ATP13A4: variants seen among roughly 807,000 people sequenced by gnomAD.
ATP13A4 encodes the protein ATPase 13A4, also known as probable cation-transporting ATPase 13A4.
In ATP13A4, 114 loss-of-function variants were observed where a neutral mutation model predicts 142.5. The ratio of observed to expected loss-of-function variants is 0.80; its 90% CI spans 0.69 to 0.93. ATP13A4 has a LOEUF of 0.93. Ranked by LOEUF, ATP13A4 falls within the 40% of genes least tolerant of loss-of-function variation. ATP13A4 has a pLI of 0.00. For missense variants in ATP13A4, 1,392 were observed against 1,454.0 expected (o/e 0.96, Z 0.69); for synonymous variants, 488 against 514.8 (o/e 0.95, Z 0.70).
rs1199743066 is a variant in ATP13A4 at position 193,416,967 on chromosome 3, G to A, written c.2843-2217C>T. On this transcript the variant is annotated intron_variant, in intron 25 of 29. Transcript: ENST00000342695. ...AAAACAAAGACAAAGAATCTTGAAA[G>A]CAGTGAGGGATAAGTGACACATCAC... 2.6e-5 allele frequency: 4 copies of A among 152,288 alleles called. No homozygotes were observed. In the East Asian group the frequency reaches 7.7e-4, roughly 29 times the overall value. 9.4% of individuals were successfully genotyped at this position (152,288 alleles called of 1,614,324 possible). A position where few individuals can be genotyped will look rare whatever the true frequency, so the allele number is the denominator to read the frequency against.
intron 25 of ATP13A4, among the ~76,000 whole-genome samples, chr3:193,427,237 A>G (rs1365972641): frequency 1.3e-5 from 2 of 152,154 alleles, no homozygotes; most frequent in Admixed American, 6.6e-5. Context: ...TAGGAATCCA[A>G]CTTACAAGGG....
chr3:193,467,508 T>TTTTGTGAGG (rs1424770125), intron 9 of ATP13A4, 22 bp from the exon 10 acceptor site: 45 of 1,610,530 alleles, frequency 2.8e-5, no homozygotes, highest in Non-Finnish European at 3.6e-5. Context: ...AAGCATCTTG[T>TTTTGTGAGG]TTTGTGAGGC....
At chr3:193,554,684 GTGTC>G (rs1723801529) in intron 1 of ATP13A4, 52 bp downstream of exon 1, 2 of 1,052,244 alleles carry the variant, frequency 1.9e-6, no homozygotes, top group Admixed American at 3.8e-5. Context: ...GTGTGTGTGT[GTGTC>G]TCGCAGGCTG....
At chr3:193,474,720 G>GAGAA (rs1208064584) in intron 8 of ATP13A4, among the ~76,000 whole-genome samples, 1,723 of 145,316 alleles carry the variant, frequency 0.012, 54 homozygotes, top group African/African-American at 0.042. Flanking sequence ...GAAAGAGAGA[G>GAGAA]AGAAAGAAAG....
chr3:193,541,110 G>T (rs925044614), intron 1 of ATP13A4, among the ~76,000 whole-genome samples: 11 of 150,372 alleles, frequency 7.3e-5, no homozygotes, highest in East Asian at 4.0e-4. Context: ...TTAGCCGGGC[G>T]TGGTGGCAGG....
At chr3:193,412,112 G>T in intron 27 of ATP13A4, 66 bp downstream of exon 27, 1 of 1,423,484 alleles carries the variant, frequency 7.0e-7, no homozygotes, top group Non-Finnish European at 9.9e-7. Flanking sequence ...TTCCCTAAGT[G>T]ACCTGGACAT....
rs570885745 is a variant in ATP13A4 at position 193,476,619 on chromosome 3, A to T, written c.809-5626T>A. 5.6e-4 allele frequency among the ~76,000 whole-genome samples: 86 copies of T among 152,222 alleles called. 2 individuals are homozygous for T. Among genetic ancestry groups the T allele is most frequent in the Middle Eastern group, 3.4e-3 (1 of 294 alleles). On this transcript the variant is annotated intron_variant, in intron 8 of 29. Transcript: ENST00000342695. ...CTTTCAGTGTATCTCAGCTTTCAAC[A>T]TGTCTTCCTCACTAAGCTTAATCAT...
intron 1 of ATP13A4, among the ~76,000 whole-genome samples, chr3:193,585,428 A>G (rs921712972): frequency 6.6e-6 from 1 of 152,036 alleles, no homozygotes; most frequent in African/African-American, 2.4e-5. Context: ...CTCAAAAGAA[A>G]ATAACAACAA....
intron 17 of ATP13A4, among the ~76,000 whole-genome samples, chr3:193,449,566 C>T (rs1337121813): frequency 1.3e-5 from 2 of 152,220 alleles, no homozygotes; most frequent in East Asian, 3.8e-4. Flanking sequence ...TTAAATCCCT[C>T]TATGATCTGG....
At chr3:193,427,536 A>G (rs532036827) in intron 25 of ATP13A4, among the ~76,000 whole-genome samples, 33 of 152,318 alleles carry the variant, frequency 2.2e-4, no homozygotes, top group Non-Finnish European at 1.2e-4. Flanking sequence ...GCATCACACT[A>G]TCTGACTTCA....
rs115256508 is a variant in ATP13A4 at position 193,468,933 on chromosome 3, G to A, written c.944-1447C>T. ...GAGAAAGAATTGTCTTTTGGCCACT[G>A]TAAGTTGAAGTTGCCTTGTAGAAAT... On this transcript the variant is annotated intron_variant, in intron 9 of 29. Coordinates refer to ENST00000342695, the MANE Select transcript of ATP13A4 (RefSeq NM_032279.4). Among the ~76,000 whole-genome samples, 864 of 152,344 alleles carry A rather than the reference G, an allele frequency of 5.7e-3. 10 individuals carry two copies. The highest frequency in any genetic ancestry group is 0.02 in the African/African-American group (843 of 41,572).
chr3:193,469,076 T>C (rs1576995465), intron 9 of ATP13A4, among the ~76,000 whole-genome samples: 1 of 152,100 alleles, frequency 6.6e-6, no homozygotes, highest in African/African-American at 2.4e-5. Context: ...ATAATTAAAG[T>C]CACAGAAGCA....
chr3:193,407,396 G>A lies in ATP13A4; in HGVS notation c.3298-3C>T, dbSNP rs752323157. 3.1e-6 allele frequency: 5 copies of A among 1,610,268 alleles called. No individual in the cohort carries two copies. The highest frequency in any genetic ancestry group is 4.2e-6 in the Non-Finnish European group (5 of 1,176,696). ...CACAGGACGGGAGTGCAGAGCAGCT[G>A]GCGGGAGATGATGAAGCACAGTTAG... On this transcript the variant is annotated splice_region_variant and splice_polypyrimidine_tract_variant and intron_variant, in intron 28 of 29. Transcript: ENST00000342695.
intron 28 of ATP13A4, 139 bp downstream of exon 28, chr3:193,410,843 T>A: frequency 1.6e-6 from 1 of 630,136 alleles, no homozygotes; most frequent in Non-Finnish European, 2.8e-6. Context: ...ATAGATAAAT[T>A]TAGCATTTTT....
chr3:193,403,944 A>G, intron 29 of ATP13A4: 1 of 985,370 alleles, frequency 1.0e-6, no homozygotes, highest in Non-Finnish European at 1.2e-6. Flanking sequence ...CCTAAAATCT[A>G]CCCATTTTTG....
intron 3 of ATP13A4, among the ~76,000 whole-genome samples, chr3:193,496,428 G>C (rs1204405761): frequency 6.6e-6 from 1 of 152,136 alleles, no homozygotes; most frequent in Non-Finnish European, 1.5e-5. Context: ...CACACTTGCA[G>C]CCAACTAGTT....
At chr3:193,568,699 G>A (rs537898984) in intron 2 of ATP13A4, among the ~76,000 whole-genome samples, 2 of 152,144 alleles carry the variant, frequency 1.3e-5, no homozygotes, top group South Asian at 4.2e-4. Flanking sequence ...TCTAGGACTG[G>A]GGACACAAAT....
At chr3:193,521,703 C>T (rs528310409) in intron 1 of ATP13A4, among the ~76,000 whole-genome samples, 44 of 152,106 alleles carry the variant, frequency 2.9e-4, no homozygotes, top group South Asian at 4.2e-4. Flanking sequence ...GAGGCCGAGG[C>T]GGGCAGATCA....
intron 29 of ATP13A4, among the ~76,000 whole-genome samples, chr3:193,406,712 A>G (rs1439437626): frequency 6.6e-6 from 1 of 152,228 alleles, no homozygotes; most frequent in East Asian, 1.9e-4. Flanking sequence ...TCCGCAAGGC[A>G]AAAATGATAT....
Sources: gnomAD v4.1 joint callset for allele counts (sites outside exome capture counted in the v4.1 genomes callset) on GRCh38, gnomAD v4.1.1 for gene constraint, MANE v1.5 for transcripts, NCBI Gene and HGNC (gene_info 2026-07-23, HGNC 2026-07-21) for gene names.